The following FBN3 variants were observed in gnomAD, a reference collection of about 807,000 sequenced individuals.
FBN3 encodes the protein fibrillin-3.
A neutral mutation model predicts 330.1 loss-of-function variants in FBN3; 234 were observed. That is an observed-to-expected ratio of 0.71 (90% CI 0.64 to 0.79). FBN3 has a LOEUF of 0.79. Ranked by LOEUF, FBN3 falls within the 30% of genes least tolerant of loss-of-function variation. FBN3 has a pLI of 0.00. For synonymous variants in FBN3, 1,458 were observed against 1,517.3 expected, an observed-to-expected ratio of 0.96 and a Z score of 0.91; for missense variants, 3,606 against 3,886.9, an observed-to-expected ratio of 0.93 and a Z score of 1.92.
rs559015997 is a variant in FBN3 at position 8,121,329 on chromosome 19, G to A, written c.3140C>T (p.Thr1047Met). 2.4e-5 allele frequency: 39 copies of A among 1,613,524 alleles called. 1 individual carries two copies. The highest frequency in any genetic ancestry group is 2.2e-4 in the South Asian group (20 of 90,978). Reference protein sequence around the residue: ...DLCGQGTCVNTPGSFECECFP... With the variant: ...DLCGQGTCVNMPGSFECECFP... Reference sequence around the variant, plus strand: ...ACACTCGCACTCAAAGCTGCCCGGCGTGTTGACACAGGTGCCCTGGCCGCA... The same window carrying A: ...ACACTCGCACTCAAAGCTGCCCGGCATGTTGACACAGGTGCCCTGGCCGCA... Residue 1047 changes from threonine (T) to methionine (M), a missense_variant, in exon 25 of 64, where the codon ACG becomes ATG. Physicochemically the swap from Thr to Met is moderately conservative, Grantham distance 81. Transcript: ENST00000600128. This position sits in a 1 kb window ranked among gnomAD's most constrained non-coding sequence, Gnocchi z 4.5.
At chr19:8,140,278 A>T (rs1217812159) in intron 8 of FBN3, among the ~76,000 whole-genome samples, 2 of 152,150 alleles carry the variant, frequency 1.3e-5, no homozygotes, top group Admixed American at 6.5e-5. Context: ...AGCCTGGCCA[A>T]CACAGTGAAA....
rs534450144 is a variant in FBN3, at chr19:8,106,159, A to G, written c.4762T>C (p.Cys1588Arg). 48 of 1,614,186 alleles carry G rather than the reference A, an allele frequency of 3.0e-5. No homozygotes were observed. The highest frequency in any genetic ancestry group is 4.0e-5 in the Non-Finnish European group (47 of 1,180,012). ...DCVNTFGSFQCECPPGYHLSE... is the reference protein window; with the variant it reads ...DCVNTFGSFQRECPPGYHLSE... The stretch of plus-strand genomic sequence containing the variant: ...AGGTGGTAGCCAGGTGGGCACTCAC[A>G]CTGGAAACTGCCAAACGTGTTGACG... Residue 1588 changes from cysteine to arginine, a missense_variant, in exon 38 of 64, where the codon TGT becomes CGT. Physicochemically the swap from Cys to Arg is radical, Grantham distance 180. Transcript: ENST00000600128.
At chr19:8,090,288 C>T (rs374465438) in intron 48 of FBN3, 37 bp from the exon 49 acceptor site, 85 of 1,610,476 alleles carry the variant, frequency 5.3e-5, no homozygotes, top group Admixed American at 6.7e-5. Flanking sequence ...GATTGAAAGC[C>T]GCTGGCAGTG....
rs1156682118 is a variant in FBN3, at chr19:8,149,254, G to T, written c.-18+195C>A. On this transcript the variant is annotated intron_variant, in intron 1 of 63. Coordinates refer to ENST00000600128, the MANE Select transcript of FBN3 (RefSeq NM_032447.5). The surrounding 1 kb of genome is among the most constrained non-coding windows in gnomAD (Gnocchi z 5.5). The stretch of plus-strand genomic sequence containing the variant: ...CGCCCCGGCCGAGCCCCTCCCGCCG[G>T]GTCCCCGCGCCCCCACTCCCCACTG... Among the ~76,000 whole-genome samples, 3 of 151,398 alleles carry T rather than the reference G, an allele frequency of 2.0e-5. No individual in the cohort carries two copies. The highest frequency in any genetic ancestry group is 7.3e-5 in the African/African-American group (3 of 41,266).
chr19:8,129,014 C>T lies in FBN3; in HGVS notation c.2296+14G>A. On this transcript the variant is annotated intron_variant, in intron 18 of 63. Coordinates refer to ENST00000600128, the MANE Select transcript of FBN3 (RefSeq NM_032447.5). The surrounding 1 kb of genome is among the most constrained non-coding windows in gnomAD (Gnocchi z 4.5). ...TGTGTGTGTGCAAACCCACGTGAGC[C>T]CGGGACCCAGTACCTTTGCAGATCT... 6.2e-7 allele frequency: 1 copy of T among 1,607,976 alleles called. No homozygotes were observed. The highest frequency in any genetic ancestry group is 8.5e-7 in the Non-Finnish European group (1 of 1,176,292).
intron 23 of FBN3, 60 bp from the exon 24 acceptor site, chr19:8,123,649 GCCCT>G: frequency 6.2e-7 from 1 of 1,606,520 alleles, no homozygotes; most frequent in South Asian, 1.1e-5. Flanking sequence ...CATACACCAA[GCCCT>G]CCCTGGGTTC....
At chr19:8,126,661 G>A (rs2082994900) in intron 19 of FBN3, 52 bp downstream of exon 19, 1 of 1,592,312 alleles carries the variant, frequency 6.3e-7, no homozygotes, top group Non-Finnish European at 8.6e-7. Context: ...CCTGCACCCT[G>A]ACCCATAGAC....
rs898485774 is a variant in FBN3 at position 8,066,024 on chromosome 19, C to T, written c.8325G>A (p.Leu2775=). Reference sequence around the variant, plus strand: ...GTCCTGCCATGTGGCTCACCACCTCCAGCCGGTAGGTTCCAGGCCCCGGCC... The same window carrying T: ...GTCCTGCCATGTGGCTCACCACCTCTAGCCGGTAGGTTCCAGGCCCCGGCC... ...RRRPGPGTYR[L]EVVSHMAGPW... Residue 2775 remains leucine (L), a synonymous_variant, in exon 64 of 64, where the codon CTG becomes CTA. Transcript: ENST00000600128. The T allele has an allele frequency of 8.7e-6, 14 of 1,612,984 alleles. No homozygotes were observed. Among genetic ancestry groups the T allele is most frequent in the Non-Finnish European group, 1.1e-5 (13 of 1,180,018 alleles).
chr19:8,120,233 G>A (rs866433527), intron 25 of FBN3, among the ~76,000 whole-genome samples: 5 of 145,802 alleles, frequency 3.4e-5, no homozygotes, highest in Non-Finnish European at 7.5e-5. Flanking sequence ...GCAGTGGCGC[G>A]ATCTCGGCTC....
Position 8,087,098 on chromosome 19 carries a change from C to G in FBN3, c.6733G>C (p.Gly2245Arg). The part of the protein sequence containing the change: ...VCPPGMRPLP[G>R]SGEGCTDDNE... ...ATACCTGTGCAGCCCTCCCCAGAGC[C>G]AGGCAGGGGCCGCATGCCTGGGGGA... The change falls in exon 54 of 64, where the codon GGC becomes CGC. Residue 2245 changes from glycine (G) to arginine (R), a missense_variant. By Grantham distance (125) the Gly-to-Arg change is moderately radical (BLOSUM62 -2). Coordinates refer to ENST00000600128, the MANE Select transcript of FBN3 (RefSeq NM_032447.5). The G allele has an allele frequency of 6.2e-7, 1 of 1,609,526 alleles. No homozygotes were observed. The highest frequency in any genetic ancestry group is 8.5e-7 in the Non-Finnish European group (1 of 1,179,366).
intron 41 of FBN3, 116 bp from the exon 42 acceptor site, chr19:8,097,530 G>T: frequency 1.7e-6 from 2 of 1,164,840 alleles, no homozygotes; most frequent in Non-Finnish European, 2.3e-6. Context: ...CCACAAACCA[G>T]CACACACTCA....
Position 8,103,616 on chromosome 19 carries a change from T to A in FBN3, c.4885A>T (p.Thr1629Ser). ...GTCYNTLGNY[T>S]CVCPAEYLQV... ...AGGTACTCTGCAGGGCAGACACAGG[T>A]GTAGTTCCCCAGGGTGTTGTAGCAG... is the stretch of plus-strand genomic sequence containing the variant. The change falls in exon 39 of 64, where the codon ACC becomes TCC. Residue 1629 changes from threonine to serine, a missense_variant. Physicochemically the swap from Thr to Ser is moderately conservative, Grantham distance 58 (BLOSUM62 1). Coordinates refer to ENST00000600128, the MANE Select transcript of FBN3 (RefSeq NM_032447.5). 6.2e-7 allele frequency: 1 copy of A among 1,613,786 alleles called. No individual in the cohort carries two copies. The highest frequency in any genetic ancestry group is 8.5e-7 in the Non-Finnish European group (1 of 1,179,798).
At chr19:8,130,241 G>A (rs1253359153) in intron 16 of FBN3, among the ~76,000 whole-genome samples, 1 of 150,284 alleles carries the variant, frequency 6.7e-6, no homozygotes, top group Non-Finnish European at 1.5e-5. Flanking sequence ...GGCAGCTCGT[G>A]TCTGTAATCA....
chr19:8,116,990 G>C (rs957506740), intron 28 of FBN3, among the ~76,000 whole-genome samples, 179 bp downstream of exon 28: 8 of 152,112 alleles, frequency 5.3e-5, no homozygotes, highest in African/African-American at 1.9e-4. Context: ...AAAAATCCCA[G>C]GGGCTCTCCC....
At chr19:8,139,789 A>C (rs1456491741) in intron 8 of FBN3, among the ~76,000 whole-genome samples, 1 of 151,888 alleles carries the variant, frequency 6.6e-6, no homozygotes, top group Non-Finnish European at 1.5e-5. Flanking sequence ...TAAAGAGCAT[A>C]TTTTTAGGCT....
chr19:8,066,903 G>A (rs545530964), intron 63 of FBN3, among the ~76,000 whole-genome samples: 2 of 151,952 alleles, frequency 1.3e-5, no homozygotes, highest in African/African-American at 2.4e-5. Context: ...TAAATAAAAG[G>A]AAAACTACCT....
Position 8,129,715 on chromosome 19 carries a change from T to C in FBN3, c.2045-350A>G, listed in dbSNP as rs1251099315. Among the ~76,000 whole-genome samples, 2 of 152,014 alleles carry C rather than the reference T, an allele frequency of 1.3e-5. No individual in the cohort carries two copies. Among genetic ancestry groups the C allele is most frequent in the Admixed American group, 6.6e-5 (1 of 15,236 alleles). Reference sequence around the variant, plus strand: ...GGGCAGGGGCCAAATTATCTCCAGTTTGGAAATAGTGGAGCAGACATCCAT... The same window carrying C: ...GGGCAGGGGCCAAATTATCTCCAGTCTGGAAATAGTGGAGCAGACATCCAT... On this transcript the variant is annotated intron_variant, in intron 16 of 63. Transcript: ENST00000600128. This position sits in a 1 kb window ranked among gnomAD's most constrained non-coding sequence, Gnocchi z 4.5.
intron 13 of FBN3, 25 bp downstream of exon 13, chr19:8,135,936 G>GGGGGGGGGGGCCCCC: frequency 9.0e-6 from 6 of 668,750 alleles, no homozygotes; most frequent in Non-Finnish European, 1.4e-5. Flanking sequence ...GGAAGCCCCT[G>GGGGGGGGGGGCCCCC]CCCACCCGCC....
intron 1 of FBN3, 175 bp from the exon 2 acceptor site, chr19:8,147,672 T>G: frequency 2.1e-6 from 1 of 473,562 alleles, no homozygotes; most frequent in Non-Finnish European, 3.6e-6. Context: ...GGAGGCTTCC[T>G]GGAGGAGGTG....
Sources: allele counts gnomAD v4.1 joint callset (sites outside exome capture counted in the v4.1 genomes callset), GRCh38; gene constraint gnomAD v4.1.1; non-coding constraint Gnocchi (gnomAD v3.1); transcripts MANE v1.5; gene names NCBI Gene and HGNC (gene_info 2026-07-23, HGNC 2026-07-21).